DIPK1C: variants seen among roughly 807,000 people sequenced by gnomAD.
DIPK1C encodes the protein familial non-conventional Alzheimer's dementia.
A neutral mutation model predicts 28.0 loss-of-function variants in DIPK1C; 33 were observed. The observed-to-expected ratio is 1.18, with a 90% CI of 0.89 to 1.58. The LOEUF is 1.58. Among genes scored for constraint, DIPK1C ranks in the 40% most tolerant of loss-of-function variants. DIPK1C has a pLI of 0.00. For synonymous variants in DIPK1C, 255 were observed against 248.8 expected (o/e 1.02, Z -0.23); for missense variants, 569 against 568.5 (o/e 1.00, Z -0.01).
intron 1 of DIPK1C, 67 bp downstream of exon 1, chr18:74,456,995 A>G (rs963707385): frequency 1.5e-6 from 2 of 1,332,366 alleles, no homozygotes; most frequent in African/African-American, 3.1e-5. Context: ...AAGGCTGGGG[A>G]CCGGGAGCGG....
chr18:74,462,205 C>T (rs1245897561), upstream of DIPK1C, among the ~76,000 whole-genome samples: 1 of 152,228 alleles, frequency 6.6e-6, no homozygotes, highest in African/African-American at 2.4e-5. Context: ...TGTGGAACGT[C>T]TCTATCATCC....
intron 1 of DIPK1C, among the ~76,000 whole-genome samples, chr18:74,456,012 G>T (rs916148075): frequency 6.6e-6 from 1 of 152,222 alleles, no homozygotes; most frequent in African/African-American, 2.4e-5. Context: ...ATCTCAAAAG[G>T]CCCACCCATA....
At chr18:74,460,596 T>G (rs1268724612), upstream of DIPK1C, among the ~76,000 whole-genome samples, 1 of 152,186 alleles carries the variant, frequency 6.6e-6, no homozygotes, top group Non-Finnish European at 1.5e-5. Flanking sequence ...CCAAAGAGAC[T>G]CAGTTATGGG....
At position 74,447,768 on chromosome 18, in the gene DIPK1C, C is replaced by A. The variant is rs1986306502; in HGVS notation, c.199-485G>T. On this transcript the variant is annotated intron_variant, in intron 1 of 3. Coordinates refer to ENST00000343998, the MANE Select transcript of DIPK1C (RefSeq NM_001044369.3). The surrounding 1 kb of genome is among the most constrained non-coding windows in gnomAD (Gnocchi z 4.1). ...CCCCAGGCTTGACCGCAGTAATGAC[C>A]CTTCCTGCAAGTACATTCCTTGAGC... Among the ~76,000 whole-genome samples the A allele has an allele frequency of 6.6e-6, 1 of 152,198 alleles. No homozygotes were observed. Among genetic ancestry groups the A allele is most frequent in the African/African-American group, 2.4e-5 (1 of 41,440 alleles).
At chr18:74,449,960 G>A (rs1986362720) in intron 1 of DIPK1C, among the ~76,000 whole-genome samples, 1 of 152,196 alleles carries the variant, frequency 6.6e-6, no homozygotes, top group African/African-American at 2.4e-5. Flanking sequence ...CGCCCAGCAT[G>A]CTTTGCTTGC....
Position 74,457,171 on chromosome 18 carries a change from G to T in DIPK1C, c.89C>A (p.Ala30Glu). Reference sequence around the variant, plus strand: ...CGCCAGCACCCAGCCCGCGGTCCACGCGGCGAAGGCGAGGAGCGTGCCCCG... The same window carrying T: ...CGCCAGCACCCAGCCCGCGGTCCACTCGGCGAAGGCGAGGAGCGTGCCCCG... ...CGRGTLLAFA[A>E]WTAGWVLAAA... Residue 30 changes from alanine (A) to glutamate (E), a missense_variant, in exon 1 of 4, where the codon GCG (alanine) becomes GAG (glutamate). By Grantham distance (107) the Ala-to-Glu change is moderately radical. Transcript: ENST00000343998. The T allele has an allele frequency of 7.3e-7, 1 of 1,365,358 alleles. No homozygotes were observed. The highest frequency in any genetic ancestry group is 9.4e-7 in the Non-Finnish European group (1 of 1,062,578). The allele number at this position is 1,365,358 out of a possible 1,614,324, so 84.6% of individuals were successfully genotyped here. A position where few individuals can be genotyped will look rare whatever the true frequency, so the allele number is the denominator to read the frequency against.
Position 74,436,662 on chromosome 18 carries a change from C to A in DIPK1C, c.1099G>T (p.Val367Phe). The change falls in exon 4 of 4, where the codon GTC (valine) becomes TTC (phenylalanine). Residue 367 changes from valine to phenylalanine, a missense_variant. Val to Phe is a conservative substitution (Grantham distance 50). Transcript: ENST00000343998. ...WFSAPLKSSA[V>F]SFQLQLQLQE... ...AACTGCAGCTGAAGCTGGAAAGAGA[C>A]CGCAGAGCTCTTGAGAGGCGCGGAA... 2 of 1,614,050 alleles carry A rather than the reference C, an allele frequency of 1.2e-6. No homozygotes were observed. Among genetic ancestry groups the A allele is most frequent in the Non-Finnish European group, 8.5e-7 (1 of 1,180,010 alleles).
intron 2 of DIPK1C, among the ~76,000 whole-genome samples, chr18:74,444,878 C>T (rs987572377): frequency 6.6e-6 from 1 of 152,120 alleles, no homozygotes; most frequent in Non-Finnish European, 1.5e-5. Flanking sequence ...ATATTTTCTG[C>T]TGATGGTGTG....
rs1985955824 is a variant in DIPK1C, at chr18:74,435,007, C to T, written c.*1494G>A. The T allele has an allele frequency of 6.6e-6, 1 of 152,226 alleles. No homozygotes were observed. The highest frequency in any genetic ancestry group is 2.1e-4 in the South Asian group (1 of 4,824). 9.4% of individuals were successfully genotyped at this position (152,226 alleles called of 1,614,324 possible). ...AGGCAGAATTTAGAGCTGGGGGCCT[C>T]TGATCATGCTAGTCCCTCACACACC... On this transcript the variant is annotated 3_prime_UTR_variant, in exon 4 of 4. Coordinates refer to ENST00000343998, the MANE Select transcript of DIPK1C (RefSeq NM_001044369.3).
chr18:74,451,293 C>T (rs1310750470), intron 1 of DIPK1C, among the ~76,000 whole-genome samples: 1 of 152,134 alleles, frequency 6.6e-6, no homozygotes, highest in African/African-American at 2.4e-5. Context: ...CTGCGCTATT[C>T]GAAATGCCGT....
chr18:74,457,367 G>T, upstream of DIPK1C: 1 of 833,198 alleles, frequency 1.2e-6, no homozygotes, highest in Non-Finnish European at 1.4e-6. Flanking sequence ...GGGAACGGGG[G>T]AGGGGCCGCG....
Position 74,435,754 on chromosome 18 carries a change from T to C in DIPK1C, c.*747A>G, listed in dbSNP as rs879691847. 6.6e-6 allele frequency: 1 copy of C among 152,216 alleles called. No homozygotes were observed. Among genetic ancestry groups the C allele is most frequent in the Non-Finnish European group, 1.5e-5 (1 of 68,038 alleles). The allele number at this position is 152,216 out of a possible 1,614,324, so 9.4% of individuals were successfully genotyped here. A position where few individuals can be genotyped will look rare whatever the true frequency, so the allele number is the denominator to read the frequency against. On this transcript the variant is annotated 3_prime_UTR_variant, in exon 4 of 4. Coordinates refer to ENST00000343998, the MANE Select transcript of DIPK1C (RefSeq NM_001044369.3). ...GCAGCTTATTTTCTTTTTATTGTAT[T>C]TAATTCCGAAAGAATGGTCACACTT...
chr18:74,450,781 G>T (rs186863557), intron 1 of DIPK1C, among the ~76,000 whole-genome samples: 1 of 152,252 alleles, frequency 6.6e-6, no homozygotes, highest in Non-Finnish European at 1.5e-5. Context: ...GCCAGGTTCC[G>T]GAGTTCACGG....
intron 3 of DIPK1C, among the ~76,000 whole-genome samples, chr18:74,439,389 T>C (rs1319719543): frequency 6.6e-6 from 1 of 152,200 alleles, no homozygotes; most frequent in East Asian, 1.9e-4. Flanking sequence ...CCTGCCTTGG[T>C]CTACAAGGCC....
At chr18:74,449,132 A>T (rs1986340061) in intron 1 of DIPK1C, among the ~76,000 whole-genome samples, 1 of 152,048 alleles carries the variant, frequency 6.6e-6, no homozygotes, top group African/African-American at 2.4e-5. Context: ...CAAAGTCAAA[A>T]AGCCTCTGAA....
At chr18:74,442,504 T>C (rs1010460155) in intron 2 of DIPK1C, among the ~76,000 whole-genome samples, 75 of 147,370 alleles carry the variant, frequency 5.1e-4, no homozygotes, top group Non-Finnish European at 2.1e-4. Context: ...AATTTTTTTG[T>C]ATTTTTAGTA....
chr18:74,456,986 A>T, intron 1 of DIPK1C, 76 bp downstream of exon 1: 2 of 1,289,086 alleles, frequency 1.6e-6, no homozygotes, highest in Non-Finnish European at 2.0e-6. Flanking sequence ...GTCCCCGGGA[A>T]GGCTGGGGAC....
At position 74,448,574 on chromosome 18, in the gene DIPK1C, G is replaced by A. The variant is rs186664138; in HGVS notation, c.199-1291C>T. 8.5e-5 allele frequency among the ~76,000 whole-genome samples: 13 copies of A among 152,206 alleles called. No homozygotes were observed. In the South Asian group the frequency reaches 1.0e-3, roughly 12 times the overall value. ...TCTGGGCCTCAAACTCCTTCCTTGC[G>A]TCACACTCCCTGCCTCCCTGCATGA... On this transcript the variant is annotated intron_variant, in intron 1 of 3. Coordinates refer to ENST00000343998, the MANE Select transcript of DIPK1C (RefSeq NM_001044369.3).
chr18:74,446,590 G>A lies in DIPK1C; in HGVS notation c.876+16C>T, dbSNP rs372573789. On this transcript the variant is annotated intron_variant, in intron 2 of 3. Transcript: ENST00000343998. ...TCCGTTCTCTGCACATAAACACACC[G>A]ACCTGCGCCACTTACTGTGAAGTCG... 60 of 1,442,908 alleles carry A rather than the reference G, an allele frequency of 4.2e-5. No individual in the cohort carries two copies. The highest frequency in any genetic ancestry group is 1.9e-4 in the African/African-American group (13 of 69,420). The allele number at this position is 1,442,908 out of a possible 1,614,324, so 89.4% of individuals were successfully genotyped here.
Sources: allele counts gnomAD v4.1 joint callset (sites outside exome capture counted in the v4.1 genomes callset), GRCh38; gene constraint gnomAD v4.1.1; non-coding constraint Gnocchi (gnomAD v3.1); transcripts MANE v1.5; gene names NCBI Gene and HGNC (gene_info 2026-07-23, HGNC 2026-07-21).